TMEM272: variants seen among roughly 807,000 people sequenced by gnomAD.
TMEM272 encodes transmembrane protein 272, also known as long intergenic non-protein coding RNA 282.
A neutral mutation model predicts 3.7 loss-of-function variants in TMEM272; 8 were observed. The observed-to-expected ratio is 2.17, with a 90% CI of 1.27 to 3.91. TMEM272 has a LOEUF of 3.91. TMEM272 is among the 30% of genes most tolerant of loss of function. TMEM272 has a pLI of 0.00. For synonymous variants in TMEM272, 63 were observed against 39.8 expected, an observed-to-expected ratio of 1.58 and a Z score of -2.20; for missense variants, 166 against 91.5, an observed-to-expected ratio of 1.81 and a Z score of -3.32.
chr13:51,821,011 C>A (rs1956074083), intron 4 of TMEM272, among the ~76,000 whole-genome samples: 1 of 152,218 alleles, frequency 6.6e-6, no homozygotes, highest in Non-Finnish European at 1.5e-5. Flanking sequence ...TTGTGGCTAC[C>A]AATTGCATAT....
the TMEM272 span, among the ~76,000 whole-genome samples, chr13:51,851,957 C>A: frequency 6.6e-6 from 1 of 152,188 alleles, no homozygotes; most frequent in Non-Finnish European, 1.5e-5. Context: ...GATGAATAAC[C>A]TACACAAGTA....
the TMEM272 span, among the ~76,000 whole-genome samples, chr13:51,850,347 G>A: frequency 1.9e-3 from 287 of 151,970 alleles, 1 homozygote; most frequent in African/African-American, 6.6e-3. Flanking sequence ...TTTACAAAAC[G>A]GTGAATGCTA....
chr13:51,881,584 G>A, the TMEM272 span, among the ~76,000 whole-genome samples: 1 of 152,172 alleles, frequency 6.6e-6, no homozygotes, highest in Non-Finnish European at 1.5e-5. Context: ...AAAACTCATA[G>A]GTTGAAATCC....
chr13:51,827,922 C>T lies in TMEM272; in HGVS notation c.59-1297G>A, dbSNP rs563012658. ...ACTGAGAGTCAGGAAAAAGCTTTCT[C>T]GCTCTGCTGACAGAACTTCCAGAAA... On this transcript the variant is annotated intron_variant, in intron 2 of 4. Transcript: ENST00000629372. Among the ~76,000 whole-genome samples the T allele has an allele frequency of 1.4e-4, 22 of 152,322 alleles. No homozygotes were observed. In the South Asian group the frequency reaches 3.9e-3, roughly 27 times the overall value.
chr13:51,853,880 T>C, the TMEM272 span, among the ~76,000 whole-genome samples: 2 of 152,248 alleles, frequency 1.3e-5, no homozygotes, highest in African/African-American at 4.8e-5. Flanking sequence ...CTTTGAGTAT[T>C]GGGATATGGT....
chr13:51,928,056 C>T, the TMEM272 span, among the ~76,000 whole-genome samples: 3 of 152,114 alleles, frequency 2.0e-5, no homozygotes, highest in African/African-American at 7.2e-5. Context: ...CCAGGGCACA[C>T]TGAGGTGGAG....
rs1180576483 is a variant in TMEM272, at chr13:51,816,760, A to G, written c.555T>C (p.Asp185=). The change falls in exon 5 of 5, where the codon GAT becomes GAC. Residue 185 remains aspartate (D), a synonymous_variant. Transcript: ENST00000629372. Reference sequence around the variant, plus strand: ...CTGGACAAGGCAGCTGTCAGTCTTCATCGGCAGCAAGTCTCCACCTGGAGC... The same window carrying G: ...CTGGACAAGGCAGCTGTCAGTCTTCGTCGGCAGCAAGTCTCCACCTGGAGC... ...YLCSRWRLAA[D]ED 1 of 697,950 alleles carries G rather than the reference A, an allele frequency of 1.4e-6. No individual in the cohort carries two copies. Among genetic ancestry groups the G allele is most frequent in the Non-Finnish European group, 2.6e-6 (1 of 381,056 alleles). 43.2% of individuals were successfully genotyped at this position (697,950 alleles called of 1,614,324 possible).
At chr13:51,879,211 T>C in the TMEM272 span, among the ~76,000 whole-genome samples, 2 of 152,162 alleles carry the variant, frequency 1.3e-5, no homozygotes, top group Non-Finnish European at 2.9e-5. Context: ...CTTGCAGAGA[T>C]AGCGAGGTGA....
intron 4 of TMEM272, among the ~76,000 whole-genome samples, chr13:51,818,325 G>A (rs912725014): frequency 1.3e-5 from 2 of 152,226 alleles, no homozygotes; most frequent in Non-Finnish European, 2.9e-5. Context: ...TGGGAACAGC[G>A]AACCCCAAGC....
chr13:51,858,433 C>T, the TMEM272 span, among the ~76,000 whole-genome samples: 1 of 152,092 alleles, frequency 6.6e-6, no homozygotes, highest in African/African-American at 2.4e-5. Flanking sequence ...AGCTGGAAAT[C>T]AGTAACAAAA....
At chr13:51,820,473 G>C (rs930851426) in intron 4 of TMEM272, among the ~76,000 whole-genome samples, 2 of 152,222 alleles carry the variant, frequency 1.3e-5, no homozygotes, top group Non-Finnish European at 1.5e-5. Context: ...AACGGTTTTA[G>C]ATTGCCAGGG....
chr13:51,926,182 C>T, the TMEM272 span, among the ~76,000 whole-genome samples: 16 of 151,824 alleles, frequency 1.1e-4, no homozygotes, highest in South Asian at 1.5e-3. Context: ...GTCTTGTCTT[C>T]CCTGCACTGG....
At chr13:51,887,514 C>T in the TMEM272 span, among the ~76,000 whole-genome samples, 1 of 152,180 alleles carries the variant, frequency 6.6e-6, no homozygotes, top group Admixed American at 6.5e-5. Flanking sequence ...TTTCTATACA[C>T]CTGCTTTATT....
the TMEM272 span, chr13:51,930,457 T>C: frequency 1.3e-5 from 2 of 152,322 alleles, no homozygotes; most frequent in Non-Finnish European, 2.9e-5. Context: ...GGTGTTTACG[T>C]GCCTGCCCAA....
At chr13:51,862,775 G>A in the TMEM272 span, among the ~76,000 whole-genome samples, 1 of 152,242 alleles carries the variant, frequency 6.6e-6, no homozygotes, top group East Asian at 1.9e-4. Flanking sequence ...GGAAGTGAGG[G>A]AGGACTTCAC....
the TMEM272 span, chr13:51,934,188 G>C: frequency 5.5e-6 from 1 of 182,836 alleles, no homozygotes; most frequent in African/African-American, 2.3e-5. Context: ...GTGACAGGCA[G>C]GGTTGCGAGG....
the TMEM272 span, among the ~76,000 whole-genome samples, chr13:51,861,600 G>C: frequency 6.6e-6 from 1 of 152,136 alleles, no homozygotes; most frequent in Non-Finnish European, 1.5e-5. Context: ...TAACTTTAGA[G>C]ACCTGGGGGA....
At chr13:51,880,108 T>C in the TMEM272 span, among the ~76,000 whole-genome samples, 1 of 152,256 alleles carries the variant, frequency 6.6e-6, no homozygotes, top group Non-Finnish European at 1.5e-5. Flanking sequence ...CTGTAGATTT[T>C]CTGTTTTTAA....
the TMEM272 span, among the ~76,000 whole-genome samples, chr13:51,931,026 T>C: frequency 6.6e-6 from 1 of 152,194 alleles, no homozygotes; most frequent in Non-Finnish European, 1.5e-5. Context: ...AATTCTTCAC[T>C]AAGGTCTTAA....
Sources: gnomAD v4.1 joint callset for allele counts (sites outside exome capture counted in the v4.1 genomes callset) on GRCh38, gnomAD v4.1.1 for gene constraint, MANE v1.5 for transcripts, NCBI Gene and HGNC (gene_info 2026-07-23, HGNC 2026-07-21) for gene names.